The following KHDRBS2 variants were observed in gnomAD, a reference collection of about 807,000 sequenced individuals.
KHDRBS2 encodes the protein KH RNA binding domain containing, signal transduction associated 2.
Under a neutral mutation model 44.3 loss-of-function variants are expected in KHDRBS2, and 26 were observed. That is an observed-to-expected ratio of 0.59 (90% confidence interval 0.43 to 0.81). The LOEUF is 0.81. Ranked by LOEUF, KHDRBS2 falls within the 40% of genes least tolerant of loss-of-function variation. The probability of loss-of-function intolerance (pLI) is 0.00; values close to 1 mark genes in which losing one functional copy is unlikely to be tolerated. For missense variants in KHDRBS2, 476 were observed against 433.1 expected (o/e 1.10, Z -0.88); for synonymous variants, 194 against 151.1 (o/e 1.28, Z -2.08).
chr6:61,938,540 A>G (rs940693006), intron 4 of KHDRBS2, among the ~76,000 whole-genome samples: 2 of 152,150 alleles, frequency 1.3e-5, no homozygotes, highest in African/African-American at 4.8e-5. Flanking sequence ...TAAGAATGTT[A>G]TAGGGTGAAA....
chr6:62,178,090 A>T (rs1484848897), intron 1 of KHDRBS2, among the ~76,000 whole-genome samples: 2 of 151,532 alleles, frequency 1.3e-5, no homozygotes, highest in Admixed American at 6.6e-5. Flanking sequence ...TGAGAAAATG[A>T]ATATATGGGC....
At chr6:61,928,047 A>G (rs1401053686) in intron 4 of KHDRBS2, among the ~76,000 whole-genome samples, 2 of 152,112 alleles carry the variant, frequency 1.3e-5, no homozygotes, top group Non-Finnish European at 2.9e-5. Context: ...CAGAGGAAAT[A>G]CCTGCTGGGT....
At chr6:62,107,703 G>C (rs1039781576) in intron 2 of KHDRBS2, among the ~76,000 whole-genome samples, 2 of 152,062 alleles carry the variant, frequency 1.3e-5, no homozygotes. Context: ...ATACTACAAG[G>C]CTACAATAAC....
the KHDRBS2 span, among the ~76,000 whole-genome samples, chr6:61,584,977 G>A: frequency 6.6e-6 from 1 of 151,786 alleles, no homozygotes; most frequent in Non-Finnish European, 1.5e-5. Context: ...CTATGTAGCT[G>A]TGTAAATTTA....
chr6:62,120,920 C>A (rs1423830908), intron 2 of KHDRBS2, among the ~76,000 whole-genome samples: 1 of 152,120 alleles, frequency 6.6e-6, no homozygotes, highest in Non-Finnish European at 1.5e-5. Flanking sequence ...ACCAGAGTAA[C>A]TGTGCAATGG....
At chr6:61,549,115 A>G in the KHDRBS2 span, among the ~76,000 whole-genome samples, 3 of 152,206 alleles carry the variant, frequency 2.0e-5, no homozygotes, top group African/African-American at 7.2e-5. Context: ...AGGATTGTCA[A>G]GATTAGAAGA....
rs963094845 is a variant in KHDRBS2 at position 61,945,763 on chromosome 6, A to G, written c.483+32303T>C. Among the ~76,000 whole-genome samples, 11 of 151,948 alleles carry G rather than the reference A, an allele frequency of 7.2e-5. 1 individual carries two copies. Among genetic ancestry groups the G allele is most frequent in the Admixed American group, 5.9e-4 (9 of 15,236 alleles). On this transcript the variant is annotated intron_variant, in intron 4 of 8. Transcript: ENST00000281156. ...ATATAATTGAGACCGTCAAGCAAAA[A>G]CCCATGAAAAAAAAATATGACAGGA...
chr6:62,193,280 T>G (rs1487163858), intron 1 of KHDRBS2, among the ~76,000 whole-genome samples: 9 of 152,078 alleles, frequency 5.9e-5, no homozygotes, highest in African/African-American at 2.2e-4. Flanking sequence ...ATGGTCCCTT[T>G]GTTTTAGGTA....
At chr6:61,594,472 T>A in the KHDRBS2 span, among the ~76,000 whole-genome samples, 1,662 of 152,192 alleles carry the variant, frequency 0.011, 18 homozygotes, top group Middle Eastern at 0.085. Context: ...CACAATACTT[T>A]AGCATTTGCA....
the KHDRBS2 span, among the ~76,000 whole-genome samples, chr6:61,603,412 G>A: frequency 1.3e-5 from 2 of 151,948 alleles, no homozygotes; most frequent in Admixed American, 1.3e-4. Flanking sequence ...CTTTCACTTG[G>A]ACTGACCCTG....
chr6:61,768,672 A>G (rs564782081), intron 6 of KHDRBS2, among the ~76,000 whole-genome samples: 10 of 151,976 alleles, frequency 6.6e-5, no homozygotes, highest in Non-Finnish European at 1.2e-4. Flanking sequence ...CAGTGTGTCA[A>G]TTGCATTTTT....
intron 2 of KHDRBS2, among the ~76,000 whole-genome samples, chr6:62,172,206 G>A (rs1820148463): frequency 6.6e-6 from 1 of 152,026 alleles, no homozygotes; most frequent in Non-Finnish European, 1.5e-5. Context: ...GACATCCATA[G>A]GCTCAAAGTA....
At position 61,978,195 on chromosome 6, in the gene KHDRBS2, C is replaced by A; in HGVS notation, c.354G>T (p.Lys118Asn). Residue 118 changes from lysine to asparagine, a missense_variant, in exon 4 of 9, where the codon AAG becomes AAT. Physicochemically the swap from Lys to Asn is moderately conservative, Grantham distance 94. Transcript: ENST00000281156. ...RDKAKEEELR[K>N]SGEAKYAHLS... ...AGTGGGCATATTTGGCTTCCCCACT[C>A]TTCCTTAGTTCTTCTTCCTGTGAAA... 1 of 1,606,376 alleles carries A rather than the reference C, an allele frequency of 6.2e-7. No homozygotes were observed. Among genetic ancestry groups the A allele is most frequent in the Non-Finnish European group, 8.5e-7 (1 of 1,177,044 alleles).
intron 6 of KHDRBS2, among the ~76,000 whole-genome samples, chr6:61,740,052 A>T (rs75640992): frequency 6.6e-5 from 10 of 152,036 alleles, no homozygotes; most frequent in Admixed American, 5.3e-4. Context: ...GAAGATATCA[A>T]CAAATGTATA....
intron 3 of KHDRBS2, among the ~76,000 whole-genome samples, chr6:62,009,904 C>A (rs1165603051): frequency 1.3e-5 from 2 of 152,194 alleles, no homozygotes; most frequent in Non-Finnish European, 2.9e-5. Context: ...TGTAGAAGCT[C>A]TGCTAGGGCA....
chr6:61,862,891 ACT>A (rs1797205825), intron 6 of KHDRBS2, among the ~76,000 whole-genome samples: 1 of 151,992 alleles, frequency 6.6e-6, no homozygotes, highest in African/African-American at 2.4e-5. Context: ...TTTTAGTAGG[ACT>A]GGTACCAGCT....
rs1319770777 is a variant in KHDRBS2, at chr6:61,929,265, T to C, written c.484-27894A>G. ...AAGTAATTACCAGAAAAAATAACTT[T>C]GGAAAAATATTCTAATTTTACTGAT... On this transcript the variant is annotated intron_variant, in intron 4 of 8. Transcript: ENST00000281156. Among the ~76,000 whole-genome samples, 3 of 152,176 alleles carry C rather than the reference T, an allele frequency of 2.0e-5. No homozygotes were observed. In the East Asian group the frequency reaches 5.8e-4, roughly 29 times the overall value.
the KHDRBS2 span, among the ~76,000 whole-genome samples, chr6:61,613,600 G>T: frequency 5.3e-5 from 8 of 151,926 alleles, no homozygotes; most frequent in East Asian, 7.7e-4. Flanking sequence ...TTTTCTTTCT[G>T]CAGTCATTAC....
chr6:62,158,661 A>G (rs1816971868), intron 2 of KHDRBS2, among the ~76,000 whole-genome samples: 1 of 152,204 alleles, frequency 6.6e-6, no homozygotes. Flanking sequence ...AAAGACATCC[A>G]TATAAATTAA....
Sources: gnomAD v4.1 joint callset for allele counts (sites outside exome capture counted in the v4.1 genomes callset) on GRCh38, gnomAD v4.1.1 for gene constraint, MANE v1.5 for transcripts, NCBI Gene and HGNC (gene_info 2026-07-23, HGNC 2026-07-21) for gene names.